Variants in URB1 observed in about 807,000 individuals in gnomAD.
URB1 encodes the protein URB1 ribosome biogenesis factor.
Under a neutral mutation model 242.3 loss-of-function variants are expected in URB1, and 197 were observed. That is an observed-to-expected ratio of 0.81 (90% CI 0.72 to 0.91). The LOEUF is 0.91. Ranked by LOEUF, URB1 falls within the 40% of genes least tolerant of loss-of-function variation. The pLI, the probability that URB1 is intolerant of heterozygous loss-of-function variation, is 0.00. For synonymous variants in URB1, 1,153 were observed against 1,201.8 expected (o/e 0.96, Z 0.84); for missense variants, 2,721 against 2,860.5 (o/e 0.95, Z 1.11).
At chr21:32,323,128 C>A (rs574983352) in intron 32 of URB1, among the ~76,000 whole-genome samples, 26 of 152,338 alleles carry the variant, frequency 1.7e-4, no homozygotes, top group African/African-American at 6.3e-4. Context: ...ACGCTCCACC[C>A]CGACATGAGC....
chr21:32,359,683 C>T (rs2033262481), intron 14 of URB1, 113 bp downstream of exon 14: 2 of 902,256 alleles, frequency 2.2e-6, no homozygotes, highest in Non-Finnish European at 3.2e-6. Context: ...AACTGTTAAC[C>T]TCTTCCGTCT....
Position 32,338,807 on chromosome 21 carries a change from G to T in URB1, c.4410C>A (p.Ile1470=), listed in dbSNP as rs1248371970. 3 of 1,551,784 alleles carry T rather than the reference G, an allele frequency of 1.9e-6. No homozygotes were observed. In the East Asian group the frequency reaches 7.3e-5, roughly 38 times the overall value. The part of the protein sequence containing the change: ...SPESSVRTKL[I]QLPVVYVMLM... The stretch of plus-strand genomic sequence containing the variant: ...GCATCACGTAGACCACCGGGAGCTG[G>T]ATGAGCTTCGTGCGCACGGAGCTTT... The change falls in exon 26 of 39, where the codon ATC becomes ATA. Residue 1470 remains isoleucine (I), a synonymous_variant. Coordinates refer to ENST00000382751, the MANE Select transcript of URB1 (RefSeq NM_014825.3).
In URB1 at chr21:32,316,996, C is replaced by A; in HGVS notation, c.6104G>T (p.Arg2035Met). Reference sequence around the variant, plus strand: ...AGCCATCTCCTCTGCCTCCCCAGGCCTCCTCTTTCGGCCCCGTGGGCCTTT... The same window carrying A: ...AGCCATCTCCTCTGCCTCCCCAGGCATCCTCTTTCGGCCCCGTGGGCCTTT... ...RAKGPRGRKR[R>M]PGEAEEMADP... The change falls in exon 38 of 39, where the codon AGG (arginine) becomes ATG (methionine). Residue 2035 changes from arginine (R) to methionine (M), a missense_variant. Arg to Met is a moderately conservative substitution (Grantham distance 91, BLOSUM62 -1). Coordinates refer to ENST00000382751, the MANE Select transcript of URB1 (RefSeq NM_014825.3). The A allele has an allele frequency of 6.4e-7, 1 of 1,551,660 alleles. No homozygotes were observed. Among genetic ancestry groups the A allele is most frequent in the Non-Finnish European group, 8.7e-7 (1 of 1,146,978 alleles).
chr21:32,354,706 G>T (rs148258096), intron 17 of URB1, among the ~76,000 whole-genome samples, 153 bp downstream of exon 17: 158 of 152,294 alleles, frequency 1.0e-3, no homozygotes, highest in African/African-American at 3.6e-3. Flanking sequence ...AACACATAAG[G>T]AGATTATTTC....
rs1196254497 is a variant in URB1, at chr21:32,333,321, C to T, written c.4956G>A (p.Arg1652=). ...FLLQLFSELT[R]PEFVVDCRKF... is the part of the protein sequence containing the mutation. ...CCAAGAGAAGACTGCAGTTACCTGGCCTGGTCAGCTCACTGAAGAGCTGAA... is the reference window on the plus strand; with the variant it reads ...CCAAGAGAAGACTGCAGTTACCTGGTCTGGTCAGCTCACTGAAGAGCTGAA... The change falls in exon 30 of 39, where the codon AGG becomes AGA. Residue 1652 remains arginine, a synonymous_variant. Transcript: ENST00000382751. The T allele has an allele frequency of 2.6e-6, 4 of 1,551,912 alleles. No individual in the cohort carries two copies. In the South Asian group the frequency reaches 4.8e-5, roughly 18 times the overall value.
chr21:32,357,019 C>T (rs2033228476), intron 15 of URB1, among the ~76,000 whole-genome samples: 2 of 152,196 alleles, frequency 1.3e-5, no homozygotes, highest in African/African-American at 4.8e-5. Flanking sequence ...ATAGTGCATC[C>T]CCCAAGCTGT....
chr21:32,379,002 G>C (rs949993897), intron 4 of URB1, among the ~76,000 whole-genome samples: 8 of 152,322 alleles, frequency 5.3e-5, no homozygotes, highest in African/African-American at 1.9e-4. Context: ...GTGATGTCTG[G>C]TTTTTATGAG....
intron 14 of URB1, among the ~76,000 whole-genome samples, 198 bp from the exon 15 acceptor site, chr21:32,357,854 CCT>C (rs1164172414): frequency 3.9e-5 from 6 of 152,096 alleles, no homozygotes; most frequent in Non-Finnish European, 7.3e-5. Context: ...ATGGCGAAAC[CCT>C]GTCTCTACTA....
intron 26 of URB1, among the ~76,000 whole-genome samples, chr21:32,338,154 A>G (rs2032984061): frequency 6.6e-6 from 1 of 152,220 alleles, no homozygotes; most frequent in Non-Finnish European, 1.5e-5. Context: ...CTGTCTAAAC[A>G]GAGCGTGGCG....
intron 8 of URB1, 112 bp downstream of exon 8, chr21:32,372,395 T>C (rs1470430333): frequency 1.9e-5 from 26 of 1,357,040 alleles, no homozygotes; most frequent in Non-Finnish European, 2.5e-5. Flanking sequence ...ACGAGTTAGA[T>C]AATGTCCACA....
At chr21:32,336,155 G>A (rs2032956679) in intron 28 of URB1, among the ~76,000 whole-genome samples, 1 of 152,098 alleles carries the variant, frequency 6.6e-6, no homozygotes, top group Non-Finnish European at 1.5e-5. Context: ...AAGGAAAAGA[G>A]CTTCTATGCA....
intron 38 of URB1, 46 bp from the exon 39 acceptor site, chr21:32,315,145 G>T: frequency 2.1e-6 from 3 of 1,441,108 alleles, no homozygotes; most frequent in Non-Finnish European, 2.8e-6. Flanking sequence ...CACCTGCTCA[G>T]CTCGAAAACA....
Position 32,392,999 on chromosome 21 carries a change from C to A in URB1, c.-89G>T, listed in dbSNP as rs923194948. On this transcript the variant is annotated 5_prime_UTR_variant, in exon 1 of 39. Transcript: ENST00000382751. Reference sequence around the variant, plus strand: ...ACAGACAGCAGACACGCGCTTCAGGCCCACATGGCGCAGGAAGAGGCGGGG... The same window carrying A: ...ACAGACAGCAGACACGCGCTTCAGGACCACATGGCGCAGGAAGAGGCGGGG... The A allele has an allele frequency of 1.2e-5, 17 of 1,390,322 alleles. No homozygotes were observed. Among genetic ancestry groups the A allele is most frequent in the Admixed American group, 1.2e-4 (4 of 33,544 alleles). 86.1% of individuals were successfully genotyped at this position (1,390,322 alleles called of 1,614,324 possible). A position where few individuals can be genotyped will look rare whatever the true frequency, so the allele number is the denominator to read the frequency against.
In URB1 at chr21:32,346,573, T is replaced by C. The variant is rs1382608925; in HGVS notation, c.3868+383A>G. On this transcript the variant is annotated intron_variant, in intron 22 of 38. Coordinates refer to ENST00000382751, the MANE Select transcript of URB1 (RefSeq NM_014825.3). ...GAACCCAGGCTGCCTCGACTCAACA[T>C]CAACTCATCAACATCTCCCCAGAGG... Among the ~76,000 whole-genome samples, 4 of 152,288 alleles carry C rather than the reference T, an allele frequency of 2.6e-5. No individual in the cohort carries two copies. The East Asian group carries it at 7.7e-4, about 29-fold the overall frequency.
intron 20 of URB1, among the ~76,000 whole-genome samples, chr21:32,349,700 G>C (rs1035420585): frequency 1.3e-5 from 2 of 152,198 alleles, no homozygotes; most frequent in Non-Finnish European, 2.9e-5. Flanking sequence ...AGGTTGTTTT[G>C]ACTAAACTGA....
Position 32,373,697 on chromosome 21 carries a change from A to G in URB1, c.826T>C (p.Ser276Pro), listed in dbSNP as rs200250710. 2 of 1,549,438 alleles carry G rather than the reference A, an allele frequency of 1.3e-6. No homozygotes were observed. Among genetic ancestry groups the G allele is most frequent in the Non-Finnish European group, 1.7e-6 (2 of 1,146,288 alleles). Reference sequence around the variant, plus strand: ...GTAATCCCATTCCAGTTGTACAGCGATGCTATGTGGTTCAATAACTGCCCC... The same window carrying G: ...GTAATCCCATTCCAGTTGTACAGCGGTGCTATGTGGTTCAATAACTGCCCC... The part of the protein sequence containing the change: ...FTGQLLNHIA[S>P]LYNWNGITDV... Residue 276 changes from serine (S) to proline (P), a missense_variant, in exon 7 of 39, where the codon TCG (serine) becomes CCG (proline). Transcript: ENST00000382751.
chr21:32,380,408 A>T (rs1228995508), intron 4 of URB1, among the ~76,000 whole-genome samples: 1 of 152,210 alleles, frequency 6.6e-6, no homozygotes. Flanking sequence ...CTCTGTTCTG[A>T]GGACCTATCT....
intron 25 of URB1, among the ~76,000 whole-genome samples, chr21:32,339,770 C>T (rs1215001061): frequency 6.6e-6 from 1 of 152,200 alleles, no homozygotes; most frequent in Non-Finnish European, 1.5e-5. Flanking sequence ...GGATTACAGG[C>T]GTGAGCCACT....
In URB1 at chr21:32,312,171, A is replaced by T; in HGVS notation, c.*2747T>A. The T allele has an allele frequency of 1.3e-6, 2 of 1,513,256 alleles. No homozygotes were observed. The highest frequency in any genetic ancestry group is 8.8e-7 in the Non-Finnish European group (1 of 1,134,526). The allele number at this position is 1,513,256 out of a possible 1,614,324, so 93.7% of individuals were successfully genotyped here. A position where few individuals can be genotyped will look rare whatever the true frequency, so the allele number is the denominator to read the frequency against. Reference sequence around the variant, plus strand: ...TGACAAAGATTGCAGTGGCCCCTCGAGTGCAGAGGTCATCCCAGGTGTTGC... The same window carrying T: ...TGACAAAGATTGCAGTGGCCCCTCGTGTGCAGAGGTCATCCCAGGTGTTGC... On this transcript the variant is annotated 3_prime_UTR_variant, in exon 39 of 39. Transcript: ENST00000382751.
Sources: allele counts gnomAD v4.1 joint callset (sites outside exome capture counted in the v4.1 genomes callset), GRCh38; gene constraint gnomAD v4.1.1; transcripts MANE v1.5; gene names NCBI Gene and HGNC (gene_info 2026-07-23, HGNC 2026-07-21).